Variants in IRAG2 observed in about 807,000 individuals in gnomAD.
IRAG2 encodes the protein lymphoid restricted membrane protein.
Under a neutral mutation model 69.9 loss-of-function variants are expected in IRAG2, and 45 were observed. That is an observed-to-expected ratio of 0.64 (90% CI 0.51 to 0.83). The LOEUF (loss-of-function observed/expected upper bound fraction) is 0.83, where lower values mean the gene tolerates loss of function less well. IRAG2 is among the 40% of genes least tolerant of loss of function. IRAG2 has a pLI of 0.00. For missense variants in IRAG2, 520 were observed against 587.0 expected, an observed-to-expected ratio of 0.89 and a Z score of 1.18; for synonymous variants, 193 against 202.4, an observed-to-expected ratio of 0.95 and a Z score of 0.40.
chr12:24,999,087 A>G, the IRAG2 span, among the ~76,000 whole-genome samples: 1 of 152,222 alleles, frequency 6.6e-6, no homozygotes, highest in South Asian at 2.1e-4. Flanking sequence ...ATGTTGATAA[A>G]CACAAATTAT....
chr12:25,030,962 A>T, intron 10 of IRAG2: 1 of 885,674 alleles, frequency 1.1e-6, no homozygotes, highest in Non-Finnish European at 1.4e-6. Context: ...ATAGATACAT[A>T]GATAGATATC....
intron 1 of IRAG2, among the ~76,000 whole-genome samples, chr12:25,057,137 C>T (rs12298815): frequency 1.3e-5 from 2 of 151,682 alleles, no homozygotes; most frequent in Admixed American, 6.6e-5. Flanking sequence ...AGTTGCATGT[C>T]TGAGTGATGC....
intron 1 of IRAG2, among the ~76,000 whole-genome samples, chr12:25,057,508 C>T (rs1369497529): frequency 6.6e-6 from 1 of 152,122 alleles, no homozygotes; most frequent in African/African-American, 2.4e-5. Flanking sequence ...ATCCTCCTGC[C>T]TCAGCCTCCC....
intron 6 of IRAG2, among the ~76,000 whole-genome samples, chr12:25,018,193 C>CTTTTTTTTTTTTTT (rs56659655): frequency 2.8e-5 from 3 of 105,546 alleles, no homozygotes; most frequent in Non-Finnish European, 3.6e-5. Flanking sequence ...TTTCTTTCTT[C>CTTTTTTTTTTTTTT]TTTTTTTTTT....
chr12:25,089,582 T>A, intron 11 of IRAG2, 32 bp from the exon 12 acceptor site: 4 of 1,398,208 alleles, frequency 2.9e-6, no homozygotes, highest in Non-Finnish European at 3.9e-6. Context: ...CAAGCCTTTT[T>A]AACCAAATAA....
At chr12:25,090,279 A>G in intron 14 of IRAG2, 82 bp downstream of exon 14, 5 of 1,321,022 alleles carry the variant, frequency 3.8e-6, no homozygotes, top group Non-Finnish European at 5.2e-6. Context: ...GCACTTTGGG[A>G]GGCCAAGGCA....
upstream of IRAG2, among the ~76,000 whole-genome samples, chr12:24,999,870 A>G (rs1042938801): frequency 6.6e-6 from 1 of 152,192 alleles, no homozygotes; most frequent in African/African-American, 2.4e-5. Context: ...TCAAATAAAC[A>G]ACAAATAATT....
chr12:25,052,276 C>G, upstream of IRAG2: 1 of 382,074 alleles, frequency 2.6e-6, no homozygotes, highest in Non-Finnish European at 4.5e-6. Flanking sequence ...CAGGAAGATG[C>G]TGTCAACCAG....
intron 5 of IRAG2, among the ~76,000 whole-genome samples, chr12:25,068,216 C>T (rs2140015728): frequency 6.6e-6 from 1 of 152,292 alleles, no homozygotes; most frequent in African/African-American, 2.4e-5. Flanking sequence ...AGTGATCCTC[C>T]CATCTCAGCC....
chr12:25,086,440 C>T (rs1232375163), intron 10 of IRAG2, among the ~76,000 whole-genome samples: 3 of 152,062 alleles, frequency 2.0e-5, no homozygotes, highest in Admixed American at 6.6e-5. Flanking sequence ...CATTGATAGT[C>T]GGTAAGGAGA....
intron 4 of IRAG2, among the ~76,000 whole-genome samples, chr12:25,064,083 T>G (rs1945810464): frequency 6.6e-6 from 1 of 152,140 alleles, no homozygotes; most frequent in Non-Finnish European, 1.5e-5. Flanking sequence ...GGTGGGTTGC[T>G]TGAGCCCAGG....
Position 25,013,873 on chromosome 12 carries a change from T to TC in IRAG2, c.897-1309_897-1308insC, listed in dbSNP as rs1410957380. ...ATTTTTTGTTTTCTTTTTCTTTTTTTTTTTTTTTTTTTTTTTTTTGAGACA... is the reference window on the plus strand; with the variant it reads ...ATTTTTTGTTTTCTTTTTCTTTTTTTCTTTTTTTTTTTTTTTTTTTGAGACA... On this transcript the variant is annotated intron_variant, in intron 3 of 38. Transcript: ENST00000636465. 5.9e-3 allele frequency among the ~76,000 whole-genome samples: 721 copies of TC among 122,658 alleles called. 13 individuals are homozygous for TC. The highest frequency in any genetic ancestry group is 0.021 in the African/African-American group (688 of 33,450). 80.5% of individuals were successfully genotyped at this position (122,658 alleles called of 152,430 possible).
chr12:25,106,104 C>A (rs773751810), intron 20 of IRAG2, among the ~76,000 whole-genome samples: 1 of 151,826 alleles, frequency 6.6e-6, no homozygotes, highest in African/African-American at 2.4e-5. Flanking sequence ...TTCAAAAACA[C>A]GTTTTAAATT....
chr12:25,070,390 G>A (rs1195446980), intron 6 of IRAG2, among the ~76,000 whole-genome samples: 1 of 152,122 alleles, frequency 6.6e-6, no homozygotes, highest in Non-Finnish European at 1.5e-5. Context: ...TCTGTGCCCA[G>A]CTTCTTTCAG....
At chr12:25,088,229 C>A in intron 11 of IRAG2, 72 bp downstream of exon 11, 2 of 1,209,204 alleles carry the variant, frequency 1.7e-6, no homozygotes, top group South Asian at 1.2e-5. Flanking sequence ...TGAAATCTGT[C>A]TGAATAAAGC....
intron 14 of IRAG2, among the ~76,000 whole-genome samples, chr12:25,094,736 CTTCT>C (rs749003142): frequency 0.1 from 12,851 of 123,368 alleles, 553 homozygotes; most frequent in South Asian, 0.17. Context: ...TGTGTCTTGT[CTTCT>C]TTAATTTTTT....
At chr12:25,006,916 C>T (rs1392629566) in intron 2 of IRAG2, among the ~76,000 whole-genome samples, 1 of 151,930 alleles carries the variant, frequency 6.6e-6, no homozygotes, top group Non-Finnish European at 1.5e-5. Context: ...ATGATTCATG[C>T]TCATTTGTAA....
upstream of IRAG2, among the ~76,000 whole-genome samples, chr12:25,003,447 G>A (rs1048891999): frequency 6.6e-6 from 1 of 151,876 alleles, no homozygotes; most frequent in Non-Finnish European, 1.5e-5. Flanking sequence ...CCATACTCAA[G>A]TGACCCTCCC....
chr12:25,031,414 T>C (rs971737392), intron 10 of IRAG2, among the ~76,000 whole-genome samples: 1 of 152,200 alleles, frequency 6.6e-6, no homozygotes, highest in Non-Finnish European at 1.5e-5. Flanking sequence ...CCTGTACCTT[T>C]TGGTCTTGTA....
Sources: allele counts gnomAD v4.1 joint callset (sites outside exome capture counted in the v4.1 genomes callset), GRCh38; gene constraint gnomAD v4.1.1; transcripts MANE v1.5; gene names NCBI Gene and HGNC (gene_info 2026-07-23, HGNC 2026-07-21).